CABIN1: variants seen among roughly 807,000 people sequenced by gnomAD.
CABIN1 encodes calcineurin binding protein 1, also known as calcineurin-binding protein cabin-1.
CABIN1 carries 133 observed loss-of-function variants against 227.7 expected under a neutral mutation model. That is an observed-to-expected ratio of 0.58 (90% confidence interval 0.51 to 0.67). The LOEUF (loss-of-function observed/expected upper bound fraction) is 0.67, where lower values mean the gene tolerates loss of function less well. CABIN1 is among the 30% of genes least tolerant of loss of function. The pLI, the probability that CABIN1 is intolerant of heterozygous loss-of-function variation, is 0.00. For synonymous variants in CABIN1, 1,086 were observed against 1,155.1 expected (o/e 0.94, Z 1.21); for missense variants, 2,408 against 2,852.5 (o/e 0.84, Z 3.55).
Position 24,059,499 on chromosome 22 carries a change from T to C in CABIN1, c.1399+136T>C, listed in dbSNP as rs1471137480. The C allele has an allele frequency of 2.8e-6, 3 of 1,068,706 alleles. No homozygotes were observed. The African/African-American group carries it at 4.7e-5, about 17-fold the overall frequency. 66.2% of individuals were successfully genotyped at this position (1,068,706 alleles called of 1,614,324 possible). On this transcript the variant is annotated intron_variant, in intron 11 of 36. Transcript: ENST00000263119. ...GCCAAGAGTCTGCCTGGATTAGTCT[T>C]GGACCTAAGCCCTGTGGTCAGCTTG...
At chr22:24,020,736 T>G (rs958810433) in intron 1 of CABIN1, among the ~76,000 whole-genome samples, 1 of 152,194 alleles carries the variant, frequency 6.6e-6, no homozygotes, top group Admixed American at 6.5e-5. Context: ...GTGGTGATGG[T>G]CGTGTTAGTA....
chr22:24,074,148 GT>G (rs2040280385), intron 18 of CABIN1, among the ~76,000 whole-genome samples: 1 of 151,908 alleles, frequency 6.6e-6, no homozygotes, highest in Non-Finnish European at 1.5e-5. Context: ...AACTATAAAA[GT>G]TTGTTATTTT....
At chr22:24,042,817 ACTGTGTGTGTGT>A (rs1450666583) in intron 5 of CABIN1, 75 bp from the exon 6 acceptor site, 1 of 577,588 alleles carries the variant, frequency 1.7e-6, no homozygotes, top group African/African-American at 5.4e-5. Context: ...GAGAGATCTG[ACTGTGTGTGTGT>A]GTGTGTGTGT....
intron 15 of CABIN1, among the ~76,000 whole-genome samples, chr22:24,065,856 C>A (rs993600052): frequency 6.6e-6 from 1 of 152,258 alleles, no homozygotes; most frequent in African/African-American, 2.4e-5. Context: ...ATATGAAAAC[C>A]AGTCAGGCGT....
Position 24,059,280 on chromosome 22 carries a change from T to C in CABIN1, c.1316T>C (p.Val439Ala). Reference sequence around the variant, plus strand: ...GATGATTCCTTTAATAACTATGAAGTCCAGTCAGAAGCCAAACTGGAAAGC... The same window carrying C: ...GATGATTCCTTTAATAACTATGAAGCCCAGTCAGAAGCCAAACTGGAAAGC... ...EEDDSFNNYEVQSEAKLESFP... is the reference protein window; with the variant it reads ...EEDDSFNNYEAQSEAKLESFP... The change falls in exon 11 of 37, where the codon GTC (valine) becomes GCC (alanine). Residue 439 changes from valine to alanine, a missense_variant. Val to Ala is a moderately conservative substitution (Grantham distance 64, BLOSUM62 0). Coordinates refer to ENST00000263119, the MANE Select transcript of CABIN1 (RefSeq NM_012295.4). The C allele has an allele frequency of 6.2e-7, 1 of 1,614,140 alleles. No individual in the cohort carries two copies. Among genetic ancestry groups the C allele is most frequent in the South Asian group, 1.1e-5 (1 of 91,070 alleles).
chr22:24,130,913 T>C (rs2077458703), intron 28 of CABIN1, among the ~76,000 whole-genome samples: 1 of 152,198 alleles, frequency 6.6e-6, no homozygotes, highest in Non-Finnish European at 1.5e-5. Context: ...AGGCTAGTGC[T>C]TTCTGCACCC....
intron 18 of CABIN1, 99 bp from the exon 19 acceptor site, chr22:24,076,070 G>C: frequency 1.4e-6 from 1 of 720,938 alleles, no homozygotes; most frequent in Non-Finnish European, 2.5e-6. Flanking sequence ...TGTTGATAAA[G>C]ACAGAAAAGC....
In CABIN1 at chr22:24,134,292, G is replaced by T. The variant is rs181072833; in HGVS notation, c.4633-10G>T. 3.7e-4 allele frequency: 601 copies of T among 1,611,006 alleles called. 1 individual carries two copies. In the African/African-American group the frequency reaches 7.4e-3, roughly 20 times the overall value. On this transcript the variant is annotated splice_polypyrimidine_tract_variant and intron_variant, in intron 28 of 36. Transcript: ENST00000263119. Reference sequence around the variant, plus strand: ...CACACTCACTTTCAACCTACTTCTTGTTTCCCCAGAACCTCCAGTGGGCCC... The same window carrying T: ...CACACTCACTTTCAACCTACTTCTTTTTTCCCCAGAACCTCCAGTGGGCCC...
rs1341350825 is a variant in CABIN1, at chr22:24,070,865, G to A, written c.2298G>A (p.Glu766=). The stretch of plus-strand genomic sequence containing the variant: ...AGTGTTCCGATGTGGCTCTGAACGA[G>A]GCTGTCCAGCAGATGGTGAACTCAG... The part of the protein sequence containing the change: ...CFECSDVALN[E]AVQQMVNSGE... The change falls in exon 17 of 37, where the codon GAG becomes GAA. Residue 766 remains glutamate (E), a synonymous_variant. Coordinates refer to ENST00000263119, the MANE Select transcript of CABIN1 (RefSeq NM_012295.4). 2 of 1,614,248 alleles carry A rather than the reference G, an allele frequency of 1.2e-6. No homozygotes were observed. The highest frequency in any genetic ancestry group is 2.2e-5 in the East Asian group (1 of 44,880).
intron 18 of CABIN1, among the ~76,000 whole-genome samples, chr22:24,073,612 A>C (rs960532696): frequency 6.6e-6 from 1 of 152,166 alleles, no homozygotes; most frequent in African/African-American, 2.4e-5. Flanking sequence ...TGGGAGACAG[A>C]TCAACTATCT....
At chr22:24,095,361 T>C (rs959083051) in intron 24 of CABIN1, among the ~76,000 whole-genome samples, 1 of 152,204 alleles carries the variant, frequency 6.6e-6, no homozygotes, top group Admixed American at 6.5e-5. Flanking sequence ...AGGAATGTGG[T>C]AAGGACTTGA....
At chr22:24,029,644 C>T (rs1263620088) in intron 1 of CABIN1, among the ~76,000 whole-genome samples, 1 of 152,128 alleles carries the variant, frequency 6.6e-6, no homozygotes, top group Non-Finnish European at 1.5e-5. Context: ...GTCCATTATT[C>T]TGGCTTCTTC....
At chr22:24,046,319 A>G (rs1250461450) in intron 6 of CABIN1, among the ~76,000 whole-genome samples, 1 of 152,226 alleles carries the variant, frequency 6.6e-6, no homozygotes, top group African/African-American at 2.4e-5. Flanking sequence ...ATAACCTGCT[A>G]TGAACATTCT....
At chr22:24,037,201 A>G (rs947705604) in intron 3 of CABIN1, among the ~76,000 whole-genome samples, 1 of 150,164 alleles carries the variant, frequency 6.7e-6, no homozygotes, top group Non-Finnish European at 1.5e-5. Flanking sequence ...CAGAGGTTGC[A>G]GCGAGCTGAG....
chr22:24,095,883 T>C (rs985536834), intron 24 of CABIN1, 48 bp from the exon 25 acceptor site: 2 of 1,611,312 alleles, frequency 1.2e-6, no homozygotes, highest in Non-Finnish European at 1.7e-6. Context: ...GTGGAACAAA[T>C]CTTAGCAACT....
intron 26 of CABIN1, among the ~76,000 whole-genome samples, chr22:24,109,447 C>T (rs979270318): frequency 6.6e-6 from 1 of 151,848 alleles, no homozygotes; most frequent in Non-Finnish European, 1.5e-5. Context: ...AACTGCTGGG[C>T]TCAAGCAATC....
intron 26 of CABIN1, among the ~76,000 whole-genome samples, chr22:24,100,046 G>A (rs534068274): frequency 9.6e-4 from 146 of 152,362 alleles, no homozygotes; most frequent in Non-Finnish European, 1.9e-3. Flanking sequence ...CAGGTCCTGG[G>A]TGCCAACATG....
chr22:24,104,513 G>A (rs944328643), intron 26 of CABIN1, among the ~76,000 whole-genome samples: 1 of 152,178 alleles, frequency 6.6e-6, no homozygotes, highest in Non-Finnish European at 1.5e-5. Context: ...GTGCTCAGTT[G>A]GCCCTCACCT....
rs372660899 is a variant in CABIN1 at position 24,166,679 on chromosome 22, G to C, written c.5048G>C (p.Gly1683Ala). Reference protein sequence around the residue: ...RPGPKVCGLPGARMTTDVSHK... With the variant: ...RPGPKVCGLPAARMTTDVSHK... ...GGGCCCAAGGTCTGTGGCCTCCCCG[G>C]AGCCAGGATGACCACCGATGTCTCA... The change falls in exon 32 of 37, where the codon GGA becomes GCA. Residue 1683 changes from glycine (G) to alanine (A), a missense_variant. Around this residue, in one of 3 missense-constraint regions of CABIN1, gnomAD observed 714 missense variants for 773.8 expected, o/e 0.92. Coordinates refer to ENST00000263119, the MANE Select transcript of CABIN1 (RefSeq NM_012295.4). 2 of 1,612,570 alleles carry C rather than the reference G, an allele frequency of 1.2e-6. No homozygotes were observed. The highest frequency in any genetic ancestry group is 1.6e-4 in the Middle Eastern group (1 of 6,084).
Sources: allele counts gnomAD v4.1 joint callset (sites outside exome capture counted in the v4.1 genomes callset), GRCh38; gene constraint gnomAD v4.1.1; regional missense constraint gnomAD v4.1.1; transcripts MANE v1.5; gene names NCBI Gene and HGNC (gene_info 2026-07-23, HGNC 2026-07-21).